The following FBN1 variants were observed in gnomAD, a reference collection of about 807,000 sequenced individuals.
FBN1 encodes the protein fibrillin-1.
In FBN1, 29 loss-of-function variants were observed where a neutral mutation model predicts 365.1. That is an observed-to-expected ratio of 0.08 (90% CI 0.06 to 0.11). FBN1 has a LOEUF of 0.11. FBN1 is among the 10% of genes least tolerant of loss of function. The pLI is 1.00. For synonymous variants in FBN1, 1,210 were observed against 1,270.5 expected, an observed-to-expected ratio of 0.95 and a Z score of 1.01; for missense variants, 2,476 against 3,703.2, an observed-to-expected ratio of 0.67 and a Z score of 8.60.
At chr15:48,561,766 C>T (rs1240762074) in intron 6 of FBN1, among the ~76,000 whole-genome samples, 1 of 152,160 alleles carries the variant, frequency 6.6e-6, no homozygotes, top group Admixed American at 6.5e-5. Flanking sequence ...TTTTACTCAT[C>T]CTTAAAGCTC....
intron 7 of FBN1, among the ~76,000 whole-genome samples, chr15:48,536,872 A>AAC (rs1355566753): frequency 6.6e-6 from 1 of 152,230 alleles, no homozygotes; most frequent in African/African-American, 2.4e-5. Flanking sequence ...AAAATATTGC[A>AAC]ACTTGCTATA....
intron 6 of FBN1, among the ~76,000 whole-genome samples, chr15:48,568,038 AAAGAAAGAAAG>A (rs1353232653): frequency 0.022 from 1,976 of 91,630 alleles, 38 homozygotes; most frequent in Non-Finnish European, 0.024. Flanking sequence ...AGAAAGAAAG[AAAGAAAGAAAG>A]AAGAAAGAAA....
At chr15:48,479,078 T>G (rs2043447293) in intron 32 of FBN1, among the ~76,000 whole-genome samples, 1 of 152,200 alleles carries the variant, frequency 6.6e-6, no homozygotes. Flanking sequence ...GCTTATCCAA[T>G]TAGGCAAGAT....
intron 10 of FBN1, 75 bp from the exon 11 acceptor site, chr15:48,516,437 T>A: frequency 6.9e-7 from 1 of 1,439,278 alleles, no homozygotes; most frequent in Non-Finnish European, 9.7e-7. Context: ...AAGTCATCCT[T>A]ATTTTTTTAA....
intron 12 of FBN1, 42 bp from the exon 13 acceptor site, chr15:48,513,710 T>TA: frequency 6.2e-7 from 1 of 1,611,814 alleles, no homozygotes; most frequent in Non-Finnish European, 8.5e-7. Flanking sequence ...TACATAGCAA[T>TA]ACCTCATAAT....
chr15:48,545,309 A>G (rs1742143939), intron 6 of FBN1, among the ~76,000 whole-genome samples: 1 of 152,246 alleles, frequency 6.6e-6, no homozygotes, highest in African/African-American at 2.4e-5. Flanking sequence ...AAGTTCCACA[A>G]AAGATGAATT....
intron 6 of FBN1, among the ~76,000 whole-genome samples, chr15:48,583,870 C>G (rs1196235859): frequency 2.0e-5 from 3 of 152,156 alleles, no homozygotes; most frequent in African/African-American, 7.2e-5. Context: ...AAGAAAAGCA[C>G]ACGGTTGATG....
At chr15:48,452,327 A>C (rs2043207622) in intron 45 of FBN1, among the ~76,000 whole-genome samples, 1 of 152,222 alleles carries the variant, frequency 6.6e-6, no homozygotes, top group Non-Finnish European at 1.5e-5. Flanking sequence ...ATGTATGCGA[A>C]TGATTTACTT....
chr15:48,550,282 G>A lies in FBN1; in HGVS notation c.539-12474C>T, dbSNP rs543758771. On this transcript the variant is annotated intron_variant, in intron 6 of 65. Transcript: ENST00000316623. ...TTCCATAGTGCAGGAAGGGCAGAGC[G>A]TGTAGAAAGATGTCTGATAGAAGCT... Among the ~76,000 whole-genome samples, 41 of 152,282 alleles carry A rather than the reference G, an allele frequency of 2.7e-4. No homozygotes were observed. In the East Asian group the frequency reaches 5.8e-3, roughly 22 times the overall value.
chr15:48,463,861 G>C, intron 41 of FBN1, 38 bp downstream of exon 41: 1 of 1,578,522 alleles, frequency 6.3e-7, no homozygotes, highest in Non-Finnish European at 8.6e-7. Flanking sequence ...TTGTAGATGA[G>C]AACCAAACAT....
In FBN1 at chr15:48,505,063, G is replaced by A. The variant is rs781147556; in HGVS notation, c.1922C>T (p.Pro641Leu). The change falls in exon 16 of 66, where the codon CCT (proline) becomes CTT (leucine). Residue 641 changes from proline to leucine, a missense_variant. This residue lies in a region of FBN1 where 1,780 missense variants were observed against 2,840.8 expected (regional missense o/e 0.63). Transcript: ENST00000316623. The stretch of plus-strand genomic sequence containing the variant: ...GCCATCCAGACCCACAGCCAGTCCA[G>A]GGAAGCATTCACATCTGTAGGAGCC... ...TDGSYRCECF[P>L]GLAVGLDGRV... 2 of 1,614,030 alleles carry A rather than the reference G, an allele frequency of 1.2e-6. No homozygotes were observed. Among genetic ancestry groups the A allele is most frequent in the African/African-American group, 2.7e-5 (2 of 74,906 alleles).
intron 24 of FBN1, among the ~76,000 whole-genome samples, chr15:48,491,783 CT>C (rs1212969854): frequency 6.6e-6 from 1 of 152,196 alleles, no homozygotes; most frequent in Non-Finnish European, 1.5e-5. Context: ...GGGATATACT[CT>C]AGGCAGGCAG....
intron 6 of FBN1, among the ~76,000 whole-genome samples, chr15:48,577,131 T>C (rs1029069818): frequency 2.0e-5 from 3 of 152,184 alleles, no homozygotes; most frequent in African/African-American, 7.2e-5. Context: ...ACTACTCGTT[T>C]AGGTCTCTCC....
At chr15:48,503,296 CAAA>C (rs754101177) in intron 17 of FBN1, among the ~76,000 whole-genome samples, 3 of 74,760 alleles carry the variant, frequency 4.0e-5, no homozygotes, top group Admixed American at 1.5e-4. Flanking sequence ...GACTCCATCT[CAAA>C]AAAAAAAAAA....
At chr15:48,543,156 G>A (rs1460535249) in intron 6 of FBN1, among the ~76,000 whole-genome samples, 1 of 152,150 alleles carries the variant, frequency 6.6e-6, no homozygotes, top group Non-Finnish European at 1.5e-5. Flanking sequence ...AATTTAGGAA[G>A]GTTGATCATC....
At chr15:48,637,720 G>A (rs542975840) in intron 2 of FBN1, among the ~76,000 whole-genome samples, 63 of 152,204 alleles carry the variant, frequency 4.1e-4, no homozygotes, top group East Asian at 7.7e-4. Context: ...AACATGTGCC[G>A]CATACCCAGT....
At chr15:48,619,875 TAA>T (rs67284014) in intron 2 of FBN1, among the ~76,000 whole-genome samples, 34 of 142,450 alleles carry the variant, frequency 2.4e-4, no homozygotes, top group African/African-American at 5.9e-4. Context: ...AAATAAAAGT[TAA>T]AAAAAAAAAA....
chr15:48,504,425 G>A (rs1461435218), intron 16 of FBN1, among the ~76,000 whole-genome samples: 4 of 152,162 alleles, frequency 2.6e-5, no homozygotes, highest in Non-Finnish European at 4.4e-5. Context: ...TAAAAGGTTC[G>A]TTATATAAAT....
chr15:48,477,206 T>A (rs2043426790), intron 32 of FBN1, among the ~76,000 whole-genome samples: 1 of 152,226 alleles, frequency 6.6e-6, no homozygotes, highest in Non-Finnish European at 1.5e-5. Context: ...AAATTATCAT[T>A]TCTTTTTAAT....
Sources: gnomAD v4.1 joint callset for allele counts (sites outside exome capture counted in the v4.1 genomes callset) on GRCh38, gnomAD v4.1.1 for gene constraint, gnomAD v4.1.1 regional missense constraint, MANE v1.5 for transcripts, NCBI Gene and HGNC (gene_info 2026-07-23, HGNC 2026-07-21) for gene names.